The following FAM91A1 variants were observed in gnomAD, a reference collection of about 807,000 sequenced individuals.
The protein encoded by FAM91A1 is protein FAM91A1.
A neutral mutation model predicts 113.5 loss-of-function variants in FAM91A1; 41 were observed. The ratio of observed to expected loss-of-function variants is 0.36; its 90% CI spans 0.28 to 0.47. FAM91A1 has a LOEUF of 0.47. Among genes scored for constraint, FAM91A1 ranks in the 20% least tolerant of loss-of-function variants. The pLI is 1.00. For synonymous variants in FAM91A1, 307 were observed against 347.9 expected (o/e 0.88, Z 1.31); for missense variants, 696 against 1,001.2 (o/e 0.70, Z 4.11).
chr8:123,806,101 G>T lies in FAM91A1; in HGVS notation c.1904G>T (p.Gly635Val). The stretch of plus-strand genomic sequence containing the variant: ...GTAGAGTTCACTCGTGTCAATATGG[G>T]TGTTCATAAAGCATTGCAGATACTA... Reference protein sequence around the residue: ...LQGEFTRVNMGVHKALQILRN... With the variant: ...LQGEFTRVNMVVHKALQILRN... The change falls in exon 20 of 24, where the codon GGT (glycine) becomes GTT (valine). Residue 635 changes from glycine to valine, a missense_variant. Physicochemically the swap from Gly to Val is moderately radical, Grantham distance 109. Transcript: ENST00000334705. 6.2e-7 allele frequency: 1 copy of T among 1,605,112 alleles called. No homozygotes were observed. The highest frequency in any genetic ancestry group is 8.5e-7 in the Non-Finnish European group (1 of 1,174,796).
rs1054123789 is a variant in FAM91A1 at position 123,813,656 on chromosome 8, A to G, written c.*952A>G. 2 of 152,286 alleles carry G rather than the reference A, an allele frequency of 1.3e-5. No individual in the cohort carries two copies. Among genetic ancestry groups the G allele is most frequent in the African/African-American group, 4.8e-5 (2 of 41,458 alleles). 9.4% of individuals were successfully genotyped at this position (152,286 alleles called of 1,614,324 possible). ...CATACTCTTAAGCAATCTGGATCTT[A>G]AATTTATGTGAATACTTTTTTAGAA... On this transcript the variant is annotated 3_prime_UTR_variant, in exon 24 of 24. Transcript: ENST00000334705.
rs372953819 is a variant in FAM91A1 at position 123,787,383 on chromosome 8, A to G, written c.1191+10A>G. 266 of 1,589,762 alleles carry G rather than the reference A, an allele frequency of 1.7e-4. 2 individuals are homozygous for G. The highest frequency in any genetic ancestry group is 1.4e-3 in the East Asian group (63 of 44,770). Reference sequence around the variant, plus strand: ...GGGAAATCTTTCACCAGTAAGCCCAATTCTTGTTTAAATATGAAGGTGTTT... The same window carrying G: ...GGGAAATCTTTCACCAGTAAGCCCAGTTCTTGTTTAAATATGAAGGTGTTT... On this transcript the variant is annotated intron_variant, in intron 13 of 23. Transcript: ENST00000334705.
intron 1 of FAM91A1, among the ~76,000 whole-genome samples, chr8:123,770,521 T>G (rs1394447792): frequency 6.6e-6 from 1 of 152,228 alleles, no homozygotes; most frequent in Non-Finnish European, 1.5e-5. Context: ...ATAAAGGCTT[T>G]AAAGGACACT....
Position 123,777,384 on chromosome 8 carries a change from T to C in FAM91A1, c.367+62T>C, listed in dbSNP as rs1331845888. ...GGTTGTGTCTTTGTGCATCCTGTCA[T>C]CTGTGAATATTGTCATGTGTGTTTT... On this transcript the variant is annotated intron_variant, in intron 4 of 23. Coordinates refer to ENST00000334705, the MANE Select transcript of FAM91A1 (RefSeq NM_144963.4). 4 of 1,415,234 alleles carry C rather than the reference T, an allele frequency of 2.8e-6. No individual in the cohort carries two copies. The African/African-American group carries it at 4.3e-5, about 15-fold the overall frequency. The allele number at this position is 1,415,234 out of a possible 1,614,324, so 87.7% of individuals were successfully genotyped here. A position where few individuals can be genotyped will look rare whatever the true frequency, so the allele number is the denominator to read the frequency against.
chr8:123,779,732 C>A (rs920026752), intron 6 of FAM91A1, among the ~76,000 whole-genome samples: 1 of 152,178 alleles, frequency 6.6e-6, no homozygotes, highest in Admixed American at 6.5e-5. Flanking sequence ...TCACAAGGAA[C>A]AAATATTACT....
At chr8:123,789,544 A>T (rs1427492309) in intron 14 of FAM91A1, 69 bp from the exon 15 acceptor site, 1 of 1,596,606 alleles carries the variant, frequency 6.3e-7, no homozygotes, top group Non-Finnish European at 8.5e-7. Context: ...TATCTCTATT[A>T]TATGATTATT....
chr8:123,787,035 C>G (rs1815275814), intron 12 of FAM91A1, among the ~76,000 whole-genome samples: 1 of 152,102 alleles, frequency 6.6e-6, no homozygotes, highest in African/African-American at 2.4e-5. Context: ...AGGCTAAGCC[C>G]AAAGGGAAAC....
intron 8 of FAM91A1, among the ~76,000 whole-genome samples, chr8:123,781,245 A>T (rs571822386): frequency 2.0e-5 from 3 of 152,012 alleles, no homozygotes; most frequent in Non-Finnish European, 4.4e-5. Context: ...CTTGTGTTTT[A>T]TTATACTTAG....
rs1816003418 is a variant in FAM91A1, at chr8:123,813,307, A to T, written c.*603A>T. The T allele has an allele frequency of 1.3e-5, 2 of 152,644 alleles. No homozygotes were observed. Among genetic ancestry groups the T allele is most frequent in the African/African-American group, 4.8e-5 (2 of 41,468 alleles). The allele number at this position is 152,644 out of a possible 1,614,324, so 9.5% of individuals were successfully genotyped here. ...GTGTATAACTTAACCTTGATTTATA[A>T]GGTCTTAAGATTATGACTATTCATT... On this transcript the variant is annotated 3_prime_UTR_variant, in exon 24 of 24. Transcript: ENST00000334705.
At chr8:123,777,132 C>G in intron 3 of FAM91A1, 133 bp from the exon 4 acceptor site, 3 of 648,718 alleles carry the variant, frequency 4.6e-6, no homozygotes, top group Non-Finnish European at 7.7e-6. Context: ...CATGTATGCT[C>G]TAGGTAGCCA....
intron 9 of FAM91A1, chr8:123,784,790 CT>C: frequency 2.4e-6 from 1 of 422,780 alleles, no homozygotes; most frequent in Non-Finnish European, 4.1e-6. Context: ...TTTTATATGA[CT>C]TTTTGTACTA....
intron 4 of FAM91A1, 86 bp downstream of exon 4, chr8:123,777,408 T>C: frequency 1.6e-6 from 2 of 1,255,778 alleles, no homozygotes; most frequent in Non-Finnish European, 2.3e-6. Context: ...CATGTGTGTT[T>C]TTAACCTGAA....
intron 15 of FAM91A1, among the ~76,000 whole-genome samples, chr8:123,796,656 G>A (rs1006499181): frequency 1.3e-4 from 20 of 150,912 alleles, no homozygotes; most frequent in East Asian, 2.0e-4. Context: ...ACGGGGTTTC[G>A]CCATGTTGAC....
At chr8:123,801,517 A>G (rs76472717) in intron 18 of FAM91A1, among the ~76,000 whole-genome samples, 1,773 of 152,362 alleles carry the variant, frequency 0.012, 41 homozygotes, top group African/African-American at 0.04. Flanking sequence ...TTGAATGTGC[A>G]TATTTTGCGC....
Position 123,812,780 on chromosome 8 carries a change from A to G in FAM91A1, c.*76A>G, listed in dbSNP as rs1455451925. On this transcript the variant is annotated 3_prime_UTR_variant, in exon 24 of 24. Coordinates refer to ENST00000334705, the MANE Select transcript of FAM91A1 (RefSeq NM_144963.4). ...CGTTAGCTTTATAGTGTCAGCCACT[A>G]AAAAGCATCCTGCTGCTGCAGTGCA... 8.3e-7 allele frequency: 1 copy of G among 1,208,888 alleles called. No individual in the cohort carries two copies. The highest frequency in any genetic ancestry group is 1.6e-5 in the African/African-American group (1 of 63,646). 74.9% of individuals were successfully genotyped at this position (1,208,888 alleles called of 1,614,324 possible).
At position 123,799,781 on chromosome 8, in the gene FAM91A1, C is replaced by T. The variant is rs759145296; in HGVS notation, c.1705C>T (p.Arg569Ter). Residue 569 changes from arginine to a stop codon, truncating the protein, a stop_gained, in exon 18 of 24, where the codon CGA (arginine) becomes TGA (stop). Transcript: ENST00000334705. LOFTEE classifies it high-confidence loss of function. ...KLPDIFQSYDRLLITSWGHDP... is the reference protein window; with the variant it reads ...KLPDIFQSYD The stretch of plus-strand genomic sequence containing the variant: ...AATTTCTTTTCAATAGAGTTATGAT[C>T]GATTGCTAATAACATCTTGGGGTCA... The T allele has an allele frequency of 1.9e-6, 3 of 1,607,542 alleles. No individual in the cohort carries two copies. Among genetic ancestry groups the T allele is most frequent in the Admixed American group, 1.7e-5 (1 of 59,234 alleles).
intron 16 of FAM91A1, 58 bp downstream of exon 16, chr8:123,798,296 T>C: frequency 6.4e-7 from 1 of 1,563,702 alleles, no homozygotes; most frequent in Non-Finnish European, 8.7e-7. Context: ...CAGTTTTGTT[T>C]TCTTCTCTAT....
intron 3 of FAM91A1, among the ~76,000 whole-genome samples, chr8:123,776,744 C>T (rs1814992094): frequency 6.6e-6 from 1 of 152,184 alleles, no homozygotes. Context: ...CTTATCCCCA[C>T]AGGAAGCAGT....
At chr8:123,786,361 G>T in intron 11 of FAM91A1, 134 bp from the exon 12 acceptor site, 1 of 653,834 alleles carries the variant, frequency 1.5e-6, no homozygotes, top group African/African-American at 1.8e-5. Context: ...TTTGGGCTGC[G>T]ACTTAATTTT....
Sources: gnomAD v4.1 joint callset for allele counts (sites outside exome capture counted in the v4.1 genomes callset) on GRCh38, gnomAD v4.1.1 for gene constraint, MANE v1.5 for transcripts, NCBI Gene and HGNC (gene_info 2026-07-23, HGNC 2026-07-21) for gene names.